The following ARHGEF12 variants were observed in gnomAD, a reference collection of about 807,000 sequenced individuals.
ARHGEF12 encodes Rho guanine nucleotide exchange factor 12.
A neutral mutation model predicts 211.2 loss-of-function variants in ARHGEF12; 66 were observed. That is an observed-to-expected ratio of 0.31 (90% CI 0.26 to 0.38). The LOEUF (loss-of-function observed/expected upper bound fraction) is 0.38. Ranked by LOEUF, ARHGEF12 falls within the 10% of genes least tolerant of loss-of-function variation. The pLI, the probability that ARHGEF12 is intolerant of heterozygous loss-of-function variation, is 1.00. For synonymous variants in ARHGEF12, 592 were observed against 638.4 expected, an observed-to-expected ratio of 0.93 and a Z score of 1.09; for missense variants, 1,429 against 1,869.5, an observed-to-expected ratio of 0.76 and a Z score of 4.34.
chr11:120,438,682 T>C (rs903852195), intron 12 of ARHGEF12: 2 of 152,218 alleles, frequency 1.3e-5, no homozygotes, highest in African/African-American at 4.8e-5. Flanking sequence ...CCTACCCTTC[T>C]TTGCTGAACT....
Position 120,369,456 on chromosome 11 carries a change from A to G in ARHGEF12, c.32+32181A>G, listed in dbSNP as rs75124117. On this transcript the variant is annotated intron_variant, in intron 1 of 40. Coordinates refer to ENST00000397843, the MANE Select transcript of ARHGEF12 (RefSeq NM_015313.3). ...ATCTTTTGTTTTTAATTGAAAACTTATAATACATTTCAGAGATAAAGGAGA... is the reference window on the plus strand; with the variant it reads ...ATCTTTTGTTTTTAATTGAAAACTTGTAATACATTTCAGAGATAAAGGAGA... 8.6e-3 allele frequency among the ~76,000 whole-genome samples: 1,303 copies of G among 152,282 alleles called. 82 individuals are homozygous for G. The South Asian group carries it at 0.16, about 19-fold the overall frequency.
chr11:120,457,445 G>A (rs1345640126), intron 23 of ARHGEF12, 195 bp downstream of exon 23: 33 of 514,204 alleles, frequency 6.4e-5, no homozygotes, highest in Admixed American at 1.9e-4. Flanking sequence ...CCTGGGCAAC[G>A]TAGTGAGCCC....
chr11:120,422,200 C>T (rs1048228995), intron 6 of ARHGEF12, among the ~76,000 whole-genome samples: 3 of 152,180 alleles, frequency 2.0e-5, no homozygotes, highest in African/African-American at 7.2e-5. Context: ...CCCAACTCTG[C>T]AAGTTTTTGA....
intron 1 of ARHGEF12, among the ~76,000 whole-genome samples, chr11:120,345,479 G>C (rs1215638483): frequency 6.6e-6 from 1 of 152,086 alleles, no homozygotes; most frequent in African/African-American, 2.4e-5. Context: ...CGAGGTGGGC[G>C]GTTCAGGAGG....
At chr11:120,411,753 CTGTTT>C (rs1944889537) in intron 4 of ARHGEF12, 1 of 149,198 alleles carries the variant, frequency 6.7e-6, no homozygotes, top group Non-Finnish European at 1.5e-5. Context: ...CTGCACCCAG[CTGTTT>C]TGTTTGTTTG....
intron 1 of ARHGEF12, among the ~76,000 whole-genome samples, chr11:120,351,005 A>G (rs868614083): frequency 6.6e-6 from 1 of 152,142 alleles, no homozygotes; most frequent in Non-Finnish European, 1.5e-5. Context: ...AATATTTTAG[A>G]CTTTGAAAGA....
At chr11:120,454,895 T>C (rs1946319157) in intron 22 of ARHGEF12, among the ~76,000 whole-genome samples, 1 of 152,200 alleles carries the variant, frequency 6.6e-6, no homozygotes, top group Non-Finnish European at 1.5e-5. Flanking sequence ...ACTCTGTCAC[T>C]TCTGCAAGTT....
At chr11:120,337,448 C>G (rs756727657) in intron 1 of ARHGEF12, 173 bp downstream of exon 1, 31 of 985,298 alleles carry the variant, frequency 3.1e-5, no homozygotes, top group Non-Finnish European at 3.6e-5. Flanking sequence ...AGTTGATTGG[C>G]TTTTGGAAAT....
chr11:120,353,292 T>C (rs996553112), intron 1 of ARHGEF12, among the ~76,000 whole-genome samples: 1 of 152,186 alleles, frequency 6.6e-6, no homozygotes, highest in African/African-American at 2.4e-5. Context: ...GTGCCCGGTA[T>C]TATACCATTG....
intron 4 of ARHGEF12, among the ~76,000 whole-genome samples, chr11:120,416,902 A>T (rs570267841): frequency 3.1e-4 from 47 of 152,268 alleles, no homozygotes; most frequent in African/African-American, 1.0e-3. Context: ...CGCCCATCTC[A>T]GCCTTCCAAA....
At chr11:120,377,504 A>G (rs1044355016) in intron 1 of ARHGEF12, among the ~76,000 whole-genome samples, 1 of 151,754 alleles carries the variant, frequency 6.6e-6, no homozygotes, top group Non-Finnish European at 1.5e-5. Flanking sequence ...CACCACACCT[A>G]GCTAATTTTT....
chr11:120,486,143 A>C lies in ARHGEF12; in HGVS notation c.*1066A>C. On this transcript the variant is annotated 3_prime_UTR_variant, in exon 41 of 41. Coordinates refer to ENST00000397843, the MANE Select transcript of ARHGEF12 (RefSeq NM_015313.3). ...AGGTTATCTAACTGAATCACTACTG[A>C]GTTGAATCATGGCTATCATTAGCCA... The C allele has an allele frequency of 4.3e-6, 1 of 233,550 alleles. No individual in the cohort carries two copies. Among genetic ancestry groups the C allele is most frequent in the East Asian group, 6.0e-5 (1 of 16,572 alleles). 14.5% of individuals were successfully genotyped at this position (233,550 alleles called of 1,614,324 possible). A position where few individuals can be genotyped will look rare whatever the true frequency, so the allele number is the denominator to read the frequency against.
At chr11:120,351,690 C>T (rs1049366186) in intron 1 of ARHGEF12, among the ~76,000 whole-genome samples, 5 of 151,586 alleles carry the variant, frequency 3.3e-5, no homozygotes, top group Non-Finnish European at 5.9e-5. Context: ...AGGCTGGTCT[C>T]GAACTCCTGA....
rs754940642 is a variant in ARHGEF12, at chr11:120,465,221, T to C, written c.2614-16T>C. On this transcript the variant is annotated splice_polypyrimidine_tract_variant and intron_variant, in intron 27 of 40. Coordinates refer to ENST00000397843, the MANE Select transcript of ARHGEF12 (RefSeq NM_015313.3). ...GTTTCCCATTCTCTTTTGTGTTCTTTGCATTCTTGGCACAGTTCAGCGGAC... is the reference window on the plus strand; with the variant it reads ...GTTTCCCATTCTCTTTTGTGTTCTTCGCATTCTTGGCACAGTTCAGCGGAC... 1.9e-6 allele frequency: 3 copies of C among 1,613,716 alleles called. No individual in the cohort carries two copies. In the South Asian group the frequency reaches 3.3e-5, roughly 18 times the overall value.
At chr11:120,347,270 C>CTGTGTGTGTGTGTGTGTG (rs55651421) in intron 1 of ARHGEF12, among the ~76,000 whole-genome samples, 5 of 79,876 alleles carry the variant, frequency 6.3e-5, no homozygotes, top group African/African-American at 2.3e-4. Flanking sequence ...CTCTCTCTGT[C>CTGTGTGTGTGTGTGTGTG]TGTGTGTGTG....
chr11:120,347,152 C>CTT (rs1565416949), intron 1 of ARHGEF12, among the ~76,000 whole-genome samples: 1 of 45,294 alleles, frequency 2.2e-5, no homozygotes, highest in Non-Finnish European at 3.8e-5. Flanking sequence ...TCCTTCCTTC[C>CTT]TTCCTTCCTT....
chr11:120,369,022 G>C (rs949576997), intron 1 of ARHGEF12, among the ~76,000 whole-genome samples: 1 of 151,926 alleles, frequency 6.6e-6, no homozygotes, highest in Admixed American at 6.6e-5. Flanking sequence ...TGCTGAAACA[G>C]AATTGGTTTT....
intron 1 of ARHGEF12, among the ~76,000 whole-genome samples, chr11:120,384,647 A>G (rs552440129): frequency 1.3e-5 from 2 of 152,324 alleles, no homozygotes; most frequent in South Asian, 4.1e-4. Flanking sequence ...AGAATGCCAG[A>G]CATAATGCCT....
rs1345009495 is a variant in ARHGEF12, at chr11:120,425,776, AAGAG to A, written c.406+1367_406+1370del. ...TGTATCTCTTAAAAAAAAAAAAAAA[AAGAG>A]AGAGACTGCTTGAACTGAATGAAAT... On this transcript the variant is annotated intron_variant, in intron 7 of 40. Coordinates refer to ENST00000397843, the MANE Select transcript of ARHGEF12 (RefSeq NM_015313.3). 4.1e-4 allele frequency among the ~76,000 whole-genome samples: 61 copies of A among 150,428 alleles called. 1 individual carries two copies. Among genetic ancestry groups the A allele is most frequent in the Middle Eastern group, 3.5e-3 (1 of 282 alleles).
Sources: allele counts gnomAD v4.1 joint callset (sites outside exome capture counted in the v4.1 genomes callset), GRCh38; gene constraint gnomAD v4.1.1; transcripts MANE v1.5; gene names NCBI Gene and HGNC (gene_info 2026-07-23, HGNC 2026-07-21).